CRYBG3: variants seen among roughly 807,000 people sequenced by gnomAD.
CRYBG3 encodes the protein very large A-kinase anchor protein.
A neutral mutation model predicts 244.2 loss-of-function variants in CRYBG3; 127 were observed. The ratio of observed to expected loss-of-function variants is 0.52; its 90% CI spans 0.45 to 0.60. The LOEUF (loss-of-function observed/expected upper bound fraction) is 0.60. CRYBG3 is among the 20% of genes least tolerant of loss of function. The pLI, the probability that CRYBG3 is intolerant of heterozygous loss-of-function variation, is 0.00. For missense variants in CRYBG3, 3,325 were observed against 3,442.5 expected, an observed-to-expected ratio of 0.97 and a Z score of 0.85; for synonymous variants, 1,132 against 1,195.8, an observed-to-expected ratio of 0.95 and a Z score of 1.10.
At chr3:97,911,536 C>G (rs998517314) in intron 15 of CRYBG3, among the ~76,000 whole-genome samples, 1 of 152,178 alleles carries the variant, frequency 6.6e-6, no homozygotes, top group Non-Finnish European at 1.5e-5. Context: ...AAAACCGAAG[C>G]CTGTAAGCTG....
intron 15 of CRYBG3, among the ~76,000 whole-genome samples, chr3:97,903,734 A>T (rs2039731543): frequency 6.6e-6 from 1 of 152,214 alleles, no homozygotes; most frequent in Non-Finnish European, 1.5e-5. Flanking sequence ...ATATTACCAC[A>T]TATTGTTAGT....
chr3:97,822,400 G>C (rs1311265264), intron 1 of CRYBG3, 45 bp downstream of exon 1: 1 of 1,415,870 alleles, frequency 7.1e-7, no homozygotes, highest in Admixed American at 2.7e-5. Flanking sequence ...GCACATATTC[G>C]CGGGATGAAG....
chr3:97,928,220 TA>T (rs58585339), intron 17 of CRYBG3, among the ~76,000 whole-genome samples: 2 of 151,896 alleles, frequency 1.3e-5, no homozygotes, highest in Non-Finnish European at 2.9e-5. Flanking sequence ...TGTGCAGCCA[TA>T]AAAAAAGCAG....
intron 16 of CRYBG3, among the ~76,000 whole-genome samples, chr3:97,914,737 T>C (rs2039908891): frequency 6.6e-6 from 1 of 152,202 alleles, no homozygotes; most frequent in Admixed American, 6.6e-5. Flanking sequence ...TAAGTGTTGA[T>C]TATGAAATGC....
intron 2 of CRYBG3, among the ~76,000 whole-genome samples, chr3:97,863,029 G>C (rs1032676303): frequency 6.6e-6 from 1 of 152,088 alleles, no homozygotes; most frequent in Admixed American, 6.6e-5. Flanking sequence ...ATCAAAACAT[G>C]GAATGAGGTG....
At chr3:97,841,198 A>G (rs1185751631) in intron 1 of CRYBG3, among the ~76,000 whole-genome samples, 1 of 143,152 alleles carries the variant, frequency 7.0e-6, no homozygotes, top group Non-Finnish European at 1.5e-5. Flanking sequence ...ATGTGTGTAT[A>G]TATGTATATA....
intron 19 of CRYBG3, among the ~76,000 whole-genome samples, chr3:97,938,769 A>G (rs565215727): frequency 2.0e-5 from 3 of 152,154 alleles, no homozygotes; most frequent in East Asian, 1.9e-4. Context: ...TCATATTACT[A>G]TGGTAATACA....
At chr3:97,941,422 G>A in intron 20 of CRYBG3, 116 bp downstream of exon 20, 1 of 679,662 alleles carries the variant, frequency 1.5e-6, no homozygotes, top group Non-Finnish European at 2.4e-6. Flanking sequence ...AGAAACAGGT[G>A]TTGATTATAA....
intron 17 of CRYBG3, among the ~76,000 whole-genome samples, chr3:97,928,519 A>G (rs2040064135): frequency 6.6e-6 from 1 of 151,936 alleles, no homozygotes; most frequent in Non-Finnish European, 1.5e-5. Context: ...CAATTTATCC[A>G]TGTAACAACC....
At chr3:97,859,022 G>C (rs547024620) in intron 2 of CRYBG3, among the ~76,000 whole-genome samples, 1 of 152,220 alleles carries the variant, frequency 6.6e-6, no homozygotes, top group Admixed American at 6.5e-5. Flanking sequence ...TTTGGTTCTA[G>C]GTAGGCAAAG....
At chr3:97,898,619 A>G (rs776869526) in intron 12 of CRYBG3, among the ~76,000 whole-genome samples, 3 of 152,196 alleles carry the variant, frequency 2.0e-5, no homozygotes, top group Non-Finnish European at 4.4e-5. Flanking sequence ...GTGATAGCCT[A>G]TAAGTCTCAG....
Position 97,822,185 on chromosome 3 carries a change from G to C in CRYBG3, c.-22G>C, listed in dbSNP as rs1043503797. 1.0e-5 allele frequency: 15 copies of C among 1,504,178 alleles called. No homozygotes were observed. Among genetic ancestry groups the C allele is most frequent in the East Asian group, 7.5e-5 (3 of 39,764 alleles). 93.2% of individuals were successfully genotyped at this position (1,504,178 alleles called of 1,614,324 possible). ...TAGGCCGTTCCCTTCAGACAGCCCCGGGCCAGCGGCCCCCTCGGGAAATGT... is the reference window on the plus strand; with the variant it reads ...TAGGCCGTTCCCTTCAGACAGCCCCCGGCCAGCGGCCCCCTCGGGAAATGT... On this transcript the variant is annotated 5_prime_UTR_variant, in exon 1 of 22. Transcript: ENST00000389622.
chr3:97,941,354 A>T (rs832089), intron 20 of CRYBG3, 48 bp downstream of exon 20: 2 of 1,421,762 alleles, frequency 1.4e-6, no homozygotes, highest in African/African-American at 2.9e-5. Flanking sequence ...TCTGTTTTTT[A>T]TTTTGAAAAC....
rs552434248 is a variant in CRYBG3 at position 97,896,080 on chromosome 3, C to G, written c.7696C>G (p.Gln2566Glu). ...CCCTATCTTGTCTTTCCGGTACTTA[C>G]AAGCTGTGAGTTAGCTTCCTTATCC... is the stretch of plus-strand genomic sequence containing the variant. Reference protein sequence around the residue: ...SSPILSFRYLQANFIESSVTL... With the variant: ...SSPILSFRYLEANFIESSVTL... The change falls in exon 12 of 22, where the codon CAA becomes GAA. Residue 2566 changes from glutamine to glutamate, a missense_variant. This residue lies in a region of CRYBG3 where 714 missense variants were observed against 803.6 expected (regional missense o/e 0.89). Transcript: ENST00000389622. The G allele has an allele frequency of 6.2e-7, 1 of 1,607,694 alleles. No individual in the cohort carries two copies. Among genetic ancestry groups the G allele is most frequent in the Non-Finnish European group, 8.5e-7 (1 of 1,177,560 alleles).
At chr3:97,860,883 T>C (rs1239168137) in intron 2 of CRYBG3, among the ~76,000 whole-genome samples, 1 of 152,120 alleles carries the variant, frequency 6.6e-6, no homozygotes, top group Non-Finnish European at 1.5e-5. Context: ...ATTGCCAAAC[T>C]ACATTCTTAA....
chr3:97,827,890 C>G (rs369172075), intron 1 of CRYBG3, among the ~76,000 whole-genome samples: 5 of 152,044 alleles, frequency 3.3e-5, no homozygotes, highest in Non-Finnish European at 7.4e-5. Context: ...TGGGAAGACT[C>G]GTAAAAGAAG....
intron 1 of CRYBG3, among the ~76,000 whole-genome samples, chr3:97,842,124 G>A (rs531095549): frequency 6.6e-6 from 1 of 152,254 alleles, no homozygotes; most frequent in East Asian, 1.9e-4. Context: ...CAAAGAACCT[G>A]ACGTGCTCAT....
At chr3:97,853,617 G>C (rs541294736) in intron 2 of CRYBG3, among the ~76,000 whole-genome samples, 3 of 152,214 alleles carry the variant, frequency 2.0e-5, no homozygotes, top group East Asian at 3.9e-4. Context: ...ACTTTTAGTT[G>C]TTTAAGAAAT....
chr3:97,919,655 A>AC (rs1428125759), intron 17 of CRYBG3, among the ~76,000 whole-genome samples: 4 of 151,554 alleles, frequency 2.6e-5, no homozygotes, highest in Admixed American at 1.3e-4. Flanking sequence ...GGGGGCTGAA[A>AC]CCAAAGCCTT....
Sources: allele counts gnomAD v4.1 joint callset (sites outside exome capture counted in the v4.1 genomes callset), GRCh38; gene constraint gnomAD v4.1.1; regional missense constraint gnomAD v4.1.1; transcripts MANE v1.5; gene names NCBI Gene and HGNC (gene_info 2026-07-23, HGNC 2026-07-21).